Variants in MUC4 observed in about 807,000 individuals in gnomAD.
MUC4 encodes the protein mucin 4, cell surface associated.
Under a neutral mutation model 257.9 loss-of-function variants are expected in MUC4, and 202 were observed. That is an observed-to-expected ratio of 0.78 (90% CI 0.70 to 0.88). The LOEUF (loss-of-function observed/expected upper bound fraction) is 0.88. MUC4 is among the 40% of genes least tolerant of loss of function. The probability of loss-of-function intolerance (pLI) is 0.00; values close to 1 mark genes in which losing one functional copy is unlikely to be tolerated. For missense variants in MUC4, 5,976 were observed against 6,513.7 expected (o/e 0.92, Z 2.84); for synonymous variants, 2,351 against 2,757.1 (o/e 0.85, Z 4.62).
intron 1 of MUC4, among the ~76,000 whole-genome samples, chr3:195,804,879 G>C (rs1735781217): frequency 6.6e-6 from 1 of 152,190 alleles, no homozygotes; most frequent in Admixed American, 6.5e-5. Context: ...TTCAAGATGA[G>C]GAAAGACACT....
rs767757483 is a variant in MUC4 at position 195,754,386 on chromosome 3, G to A, written c.15169-14C>T. The A allele has an allele frequency of 3.1e-6, 5 of 1,598,322 alleles. No individual in the cohort carries two copies. Among genetic ancestry groups the A allele is most frequent in the Non-Finnish European group, 4.3e-6 (5 of 1,171,110 alleles). ...GCAGCCAGCCACCTGGAGGAGGGTTGCCGATCACGGGCGGCCAGGAGACCA... is the reference window on the plus strand; with the variant it reads ...GCAGCCAGCCACCTGGAGGAGGGTTACCGATCACGGGCGGCCAGGAGACCA... On this transcript the variant is annotated splice_polypyrimidine_tract_variant and intron_variant, in intron 18 of 24. Transcript: ENST00000463781.
At chr3:195,809,034 A>G (rs1282000331) in intron 1 of MUC4, among the ~76,000 whole-genome samples, 1 of 152,020 alleles carries the variant, frequency 6.6e-6, no homozygotes, top group South Asian at 2.1e-4. Context: ...ACCAAGGCCT[A>G]TTTCGACCCA....
chr3:195,765,401 T>C lies in MUC4; in HGVS notation c.13667A>G (p.Asn4556Ser). Residue 4556 changes from asparagine (N) to serine (S), a missense_variant, in exon 9 of 25, where the codon AAC (asparagine) becomes AGC (serine). This residue lies in a region of MUC4 where 996 missense variants were observed against 1,137.3 expected (regional missense o/e 0.88). Coordinates refer to ENST00000463781, the MANE Select transcript of MUC4 (RefSeq NM_018406.7). ...FYRLHREERP[N>S]YRLECLQWLK... ...CCACTGCAGGCACTCGAGACGGTAG[T>C]TGGGCCTTTCTTCCCGGTGTAGCCT... The C allele has an allele frequency of 1.2e-6, 2 of 1,613,550 alleles. No homozygotes were observed. Among genetic ancestry groups the C allele is most frequent in the Non-Finnish European group, 1.7e-6 (2 of 1,180,008 alleles).
Position 195,755,997 on chromosome 3 carries a change from G to A in MUC4, c.15168+1150C>T, listed in dbSNP as rs902799104. 1.1e-4 allele frequency among the ~76,000 whole-genome samples: 16 copies of A among 152,158 alleles called. No individual in the cohort carries two copies. Among genetic ancestry groups the A allele is most frequent in the African/African-American group, 3.4e-4 (14 of 41,412 alleles). On this transcript the variant is annotated intron_variant, in intron 18 of 24. Transcript: ENST00000463781. This position sits in a 1 kb window ranked among gnomAD's most constrained non-coding sequence, Gnocchi z 5.0. ...TAAAAAAGCAGATAGGACAAGAGTC[G>A]TGGAATTAGGCCAAGTATCTTGGCT...
chr3:195,798,749 T>C (rs1378242066), intron 1 of MUC4, among the ~76,000 whole-genome samples: 1 of 152,190 alleles, frequency 6.6e-6, no homozygotes, highest in East Asian at 1.9e-4. Context: ...TAGTTTAACT[T>C]ATTCAGTATA....
chr3:195,803,392 T>G (rs1735592507), intron 1 of MUC4, among the ~76,000 whole-genome samples: 2 of 152,244 alleles, frequency 1.3e-5, no homozygotes, highest in African/African-American at 4.8e-5. Flanking sequence ...TAAATTCACG[T>G]TCTTCCTACC....
chr3:195,778,458 G>C lies in MUC4; in HGVS notation c.12791-3C>G, dbSNP rs894442388. The C allele has an allele frequency of 1.2e-6, 2 of 1,611,680 alleles. No homozygotes were observed. Among genetic ancestry groups the C allele is most frequent in the African/African-American group, 1.3e-5 (1 of 74,918 alleles). On this transcript the variant is annotated splice_region_variant and splice_polypyrimidine_tract_variant and intron_variant, in intron 2 of 24. Coordinates refer to ENST00000463781, the MANE Select transcript of MUC4 (RefSeq NM_018406.7). ...CTTCAGTGACGGTGTTGTCATTCCT[G>C]GACACGTGAAAAGACAAGGCGGGGT...
At chr3:195,754,692 G>A (rs552708311) in intron 18 of MUC4, among the ~76,000 whole-genome samples, 2 of 151,288 alleles carry the variant, frequency 1.3e-5, no homozygotes, top group Admixed American at 6.6e-5. Context: ...TAAGATGGGG[G>A]ATGCATGAAT....
At position 195,774,204 on chromosome 3, in the gene MUC4, G is replaced by A. The variant is rs760330404; in HGVS notation, c.13045C>T (p.Pro4349Ser). The A allele has an allele frequency of 1.6e-5, 25 of 1,608,750 alleles. No homozygotes were observed. The highest frequency in any genetic ancestry group is 1.2e-4 in the South Asian group (11 of 90,854). Reference protein sequence around the residue: ...SPLFKPATGFPLGSSLRDSLY... With the variant: ...SPLFKPATGFSLGSSLRDSLY... ...GAATCACGGAGAGAGGAGCCAAGGGGGAAGCCAGTCGCCGGCTTGAAGAGT... is the reference window on the plus strand; with the variant it reads ...GAATCACGGAGAGAGGAGCCAAGGGAGAAGCCAGTCGCCGGCTTGAAGAGT... The change falls in exon 4 of 25, where the codon CCC becomes TCC. Residue 4349 changes from proline (P) to serine (S), a missense_variant. By Grantham distance (74) the Pro-to-Ser change is moderately conservative. This residue lies in a region of MUC4 where 233 missense variants were observed against 171.2 expected (regional missense o/e 1.36). Transcript: ENST00000463781.
At chr3:195,798,539 T>C (rs1171323226) in intron 1 of MUC4, among the ~76,000 whole-genome samples, 1 of 151,938 alleles carries the variant, frequency 6.6e-6, no homozygotes, top group African/African-American at 2.4e-5. Context: ...CCGTCTCTAC[T>C]AAAAATACAA....
chr3:195,811,746 A>G lies in MUC4; in HGVS notation c.72T>C (p.His24=). Residue 24 remains histidine (H), a synonymous_variant, in exon 1 of 25, where the codon CAT becomes CAC. Coordinates refer to ENST00000463781, the MANE Select transcript of MUC4 (RefSeq NM_018406.7). The part of the protein sequence containing the change: ...LSCLCLCLLP[H]VVPGTTEDTL... ...GTCTCCATCACTTACCTGGGACCAC[A>G]TGCGGAAGGAGGCAGAGACACAGGC... 1.9e-6 allele frequency: 3 copies of G among 1,613,842 alleles called. No homozygotes were observed. Among genetic ancestry groups the G allele is most frequent in the East Asian group, 2.2e-5 (1 of 44,878 alleles).
rs764569530 is a variant in MUC4, at chr3:195,779,093, C to T, written c.12487G>A (p.Val4163Ile). ...ASSGHTTSLP[V>I]TDASSVSTGH... ...GTGGACACTGAGGAAGCGTCGGTGA[C>T]AGGAAGAGAGGTGGTGTGACCTGAG... Residue 4163 changes from valine to isoleucine, a missense_variant, in exon 2 of 25, where the codon GTC (valine) becomes ATC (isoleucine). Coordinates refer to ENST00000463781, the MANE Select transcript of MUC4 (RefSeq NM_018406.7). The T allele has an allele frequency of 2.5e-5, 37 of 1,497,654 alleles. 6 individuals carry two copies. The highest frequency in any genetic ancestry group is 3.3e-5 in the Non-Finnish European group (37 of 1,115,484). The allele number at this position is 1,497,654 out of a possible 1,614,324, so 92.8% of individuals were successfully genotyped here.
intron 1 of MUC4, among the ~76,000 whole-genome samples, chr3:195,808,158 A>G (rs1015383185): frequency 1.3e-5 from 2 of 152,190 alleles, no homozygotes; most frequent in Non-Finnish European, 2.9e-5. Context: ...CACAAGTGCC[A>G]TTCCGGGTTC....
At chr3:195,750,672 G>A in intron 23 of MUC4, 1 of 587,046 alleles carries the variant, frequency 1.7e-6, no homozygotes, top group Non-Finnish European at 3.0e-6. Flanking sequence ...CCCTGGCTGG[G>A]TGCTTGCTCC....
rs545825231 is a variant in MUC4, at chr3:195,762,470, C to T, written c.14345-216G>A. Among the ~76,000 whole-genome samples, 335 of 151,764 alleles carry T rather than the reference C, an allele frequency of 2.2e-3. No individual in the cohort carries two copies. In the South Asian group the frequency reaches 0.024, roughly 11 times the overall value. On this transcript the variant is annotated intron_variant, in intron 13 of 24. Transcript: ENST00000463781. ...GCCCTGCACCGCCACGCACCGGGCC[C>T]TGCACCGCCACGCACCGGGCCCGGC...
In MUC4 at chr3:195,750,888, C is replaced by T. The variant is rs775046927; in HGVS notation, c.15871+1G>A. ...AGTGTCCCCGGAATGGACGGACTCA[C>T]GGGCTGTCACATCGCGCACGTCTTC... On this transcript the variant is annotated splice_donor_variant, in intron 23 of 24. Transcript: ENST00000463781. LOFTEE classifies it high-confidence loss of function. 3.7e-6 allele frequency: 6 copies of T among 1,612,952 alleles called. No individual in the cohort carries two copies. The highest frequency in any genetic ancestry group is 1.7e-5 in the Admixed American group (1 of 60,000).
chr3:195,805,760 G>A (rs1359370747), intron 1 of MUC4, among the ~76,000 whole-genome samples: 1 of 151,658 alleles, frequency 6.6e-6, no homozygotes, highest in Non-Finnish European at 1.5e-5. Flanking sequence ...GCTTCCCAGA[G>A]TGCTGGGATG....
At position 195,747,241 on chromosome 3, in the gene MUC4, G is replaced by T. The variant is rs765370681; in HGVS notation, c.16174C>A (p.Arg5392Ser). 1 of 1,614,256 alleles carries T rather than the reference G, an allele frequency of 6.2e-7. No homozygotes were observed. Residue 5392 changes from arginine to serine, a missense_variant, in exon 25 of 25, where the codon CGC (arginine) becomes AGC (serine). By Grantham distance (110) the Arg-to-Ser change is moderately radical. Around this residue, in one of 44 missense-constraint regions of MUC4, gnomAD observed 310 missense variants for 242.1 expected, o/e 1.28. Transcript: ENST00000463781. ...CTGGCCCCGGAGCAACCCCAGAAGC[G>T]CAGGACCACGAACGTCCCGACCCCC... Reference protein sequence around the residue: ...LLGVGTFVVLRFWGCSGARFS... With the variant: ...LLGVGTFVVLSFWGCSGARFS...
In MUC4 at chr3:195,790,143, T is replaced by C; in HGVS notation, c.1437A>G (p.Ile479Met). ...SSFSPGVSQE[I>M]FTLHETTTWP... ...ATGTTGTTGTTTCATGTAGAGTAAATATTTCTTGAGACACACCTGGAGAGA... is the reference window on the plus strand; with the variant it reads ...ATGTTGTTGTTTCATGTAGAGTAAACATTTCTTGAGACACACCTGGAGAGA... Residue 479 changes from isoleucine to methionine, a missense_variant, in exon 2 of 25, where the codon ATA becomes ATG. This residue lies in a region of MUC4 where 1,583 missense variants were observed against 1,257.4 expected (regional missense o/e 1.26). Transcript: ENST00000463781. 3 of 1,613,980 alleles carry C rather than the reference T, an allele frequency of 1.9e-6. No individual in the cohort carries two copies. The highest frequency in any genetic ancestry group is 2.5e-6 in the Non-Finnish European group (3 of 1,179,894).
Sources: allele counts gnomAD v4.1 joint callset (sites outside exome capture counted in the v4.1 genomes callset), GRCh38; gene constraint gnomAD v4.1.1; regional missense constraint gnomAD v4.1.1; non-coding constraint Gnocchi (gnomAD v3.1); transcripts MANE v1.5; gene names NCBI Gene and HGNC (gene_info 2026-07-23, HGNC 2026-07-21).